Variants in SGCZ observed in about 807,000 individuals in gnomAD.
The protein encoded by SGCZ is zeta-sarcoglycan.
Under a neutral mutation model 41.3 loss-of-function variants are expected in SGCZ, and 40 were observed. That is an observed-to-expected ratio of 0.97 (90% CI 0.75 to 1.26). The LOEUF (loss-of-function observed/expected upper bound fraction) is 1.26, where lower values mean the gene tolerates loss of function less well. Ranked by LOEUF, SGCZ falls within the 50% of genes most tolerant of loss-of-function variation. SGCZ has a pLI of 0.00. For missense variants in SGCZ, 552 were observed against 369.8 expected (o/e 1.49, Z -4.04); for synonymous variants, 206 against 137.5 (o/e 1.50, Z -3.49).
intron 1 of SGCZ, among the ~76,000 whole-genome samples, chr8:15,167,285 T>C (rs1157708085): frequency 6.6e-6 from 1 of 152,246 alleles, no homozygotes; most frequent in East Asian, 1.9e-4. Flanking sequence ...TATGCTTCCC[T>C]TTAAGGTGTC....
At chr8:15,189,878 C>T (rs1800475937) in intron 1 of SGCZ, among the ~76,000 whole-genome samples, 1 of 152,146 alleles carries the variant, frequency 6.6e-6, no homozygotes, top group African/African-American at 2.4e-5. Flanking sequence ...AGTAAGACTT[C>T]CTGCCATATT....
chr8:14,675,838 G>C (rs1393751070), intron 1 of SGCZ, among the ~76,000 whole-genome samples: 3 of 152,166 alleles, frequency 2.0e-5, no homozygotes, highest in Non-Finnish European at 2.9e-5. Flanking sequence ...TTTCCAAACT[G>C]CTGTGCAGAT....
chr8:14,451,320 T>C (rs1246925970), intron 2 of SGCZ, among the ~76,000 whole-genome samples: 1 of 152,190 alleles, frequency 6.6e-6, no homozygotes, highest in African/African-American at 2.4e-5. Flanking sequence ...GATCTTAGAA[T>C]AGAAAAGATG....
intron 1 of SGCZ, among the ~76,000 whole-genome samples, chr8:14,825,455 T>C (rs868649996): frequency 6.6e-6 from 1 of 152,218 alleles, no homozygotes; most frequent in African/African-American, 2.4e-5. Context: ...TAAAAGTAAT[T>C]TGTGCATTGT....
chr8:14,787,913 G>A (rs966583908), intron 1 of SGCZ, among the ~76,000 whole-genome samples: 1 of 152,042 alleles, frequency 6.6e-6, no homozygotes, highest in African/African-American at 2.4e-5. Flanking sequence ...CAGTATCAAA[G>A]ATAACTATGA....
intron 3 of SGCZ, among the ~76,000 whole-genome samples, chr8:14,270,191 T>A (rs1185267998): frequency 6.6e-6 from 1 of 151,848 alleles, no homozygotes; most frequent in Non-Finnish European, 1.5e-5. Flanking sequence ...AATTAGCTGG[T>A]TGTGGTGACC....
chr8:14,968,516 C>A (rs567992177), intron 1 of SGCZ, among the ~76,000 whole-genome samples: 2 of 152,086 alleles, frequency 1.3e-5, no homozygotes, highest in African/African-American at 4.8e-5. Context: ...TAGCATACTC[C>A]ATTTTCTTAA....
intron 1 of SGCZ, among the ~76,000 whole-genome samples, chr8:15,196,413 G>A (rs1205213966): frequency 2.0e-5 from 3 of 152,154 alleles, no homozygotes; most frequent in Non-Finnish European, 2.9e-5. Context: ...AGTCCAGTAA[G>A]CTTAGGAATC....
At chr8:14,459,591 T>C (rs557631769) in intron 2 of SGCZ, among the ~76,000 whole-genome samples, 1 of 152,238 alleles carries the variant, frequency 6.6e-6, no homozygotes, top group South Asian at 2.1e-4. Context: ...TCTGAAAGTA[T>C]CTATCTCAAG....
intron 3 of SGCZ, among the ~76,000 whole-genome samples, chr8:14,247,057 T>TTC (rs1799122473): frequency 6.6e-6 from 1 of 152,138 alleles, no homozygotes; most frequent in Non-Finnish European, 1.5e-5. Context: ...TTACCTGACT[T>TTC]CCTTGAATTC....
chr8:15,105,289 C>G (rs1020680014), intron 1 of SGCZ, among the ~76,000 whole-genome samples: 1 of 152,042 alleles, frequency 6.6e-6, no homozygotes, highest in African/African-American at 2.4e-5. Context: ...ATGATTATTC[C>G]CCCTACAGAT....
chr8:14,139,666 A>G (rs1292737437), intron 5 of SGCZ, among the ~76,000 whole-genome samples: 1 of 152,210 alleles, frequency 6.6e-6, no homozygotes, highest in African/African-American at 2.4e-5. Flanking sequence ...GAATAGACTA[A>G]AAACAGCCTC....
intron 1 of SGCZ, among the ~76,000 whole-genome samples, chr8:15,180,582 T>TA (rs112582741): frequency 0.017 from 2,474 of 146,306 alleles, 46 homozygotes; most frequent in East Asian, 0.085. Context: ...AAGAACAAGT[T>TA]AAAAAAAAAA....
intron 1 of SGCZ, among the ~76,000 whole-genome samples, chr8:14,771,565 C>T (rs1800239484): frequency 6.6e-6 from 1 of 151,988 alleles, no homozygotes; most frequent in South Asian, 2.1e-4. Flanking sequence ...AGAACATAAA[C>T]AATTGATTTG....
chr8:14,932,880 A>G lies in SGCZ; in HGVS notation c.39+304705T>C, dbSNP rs1044285731. Among the ~76,000 whole-genome samples the G allele has an allele frequency of 2.7e-4, 41 of 152,088 alleles. 1 individual carries two copies. The highest frequency in any genetic ancestry group is 5.9e-4 in the Non-Finnish European group (40 of 68,038). On this transcript the variant is annotated intron_variant, in intron 1 of 7. Transcript: ENST00000382080. ...AGTGTGATGTGAAAACTGTGCATCT[A>G]GTGGTAAGTAAGCACTAAATCTGGC...
chr8:14,166,247 T>C (rs1374186831), intron 4 of SGCZ, among the ~76,000 whole-genome samples: 1 of 152,178 alleles, frequency 6.6e-6, no homozygotes, highest in Non-Finnish European at 1.5e-5. Flanking sequence ...TACCTTTCCT[T>C]ATATAATTTA....
At chr8:14,269,312 C>T (rs543172176) in intron 3 of SGCZ, among the ~76,000 whole-genome samples, 1 of 152,012 alleles carries the variant, frequency 6.6e-6, no homozygotes, top group African/African-American at 2.4e-5. Context: ...TAAGAAATGT[C>T]CACTTTTTAT....
intron 1 of SGCZ, among the ~76,000 whole-genome samples, chr8:14,720,800 T>G (rs1221023790): frequency 6.6e-6 from 1 of 152,110 alleles, no homozygotes; most frequent in Non-Finnish European, 1.5e-5. Context: ...TGCCTACTGC[T>G]TTATAGCCAA....
chr8:14,102,480 A>T lies in SGCZ; in HGVS notation c.640T>A (p.Ser214Thr), dbSNP rs74802077. The part of the protein sequence containing the change: ...QDLRLESPTR[S>T]LIMEAPRGVQ... Reference sequence around the variant, plus strand: ...CCACGGGGAGCTTCCATGATCAAGGATCTGGTGGGTGATTCAAGCCTAAGG... The same window carrying T: ...CCACGGGGAGCTTCCATGATCAAGGTTCTGGTGGGTGATTCAAGCCTAAGG... Residue 214 changes from serine to threonine, a missense_variant, in exon 7 of 8, where the codon TCC becomes ACC. By Grantham distance (58) the Ser-to-Thr change is moderately conservative. Transcript: ENST00000382080. 1.7e-3 allele frequency: 2,481 copies of T among 1,472,430 alleles called. 29 individuals carry two copies. In the African/African-American group the frequency reaches 0.03, roughly 18 times the overall value. 91.2% of individuals were successfully genotyped at this position (1,472,430 alleles called of 1,614,324 possible).
Sources: gnomAD v4.1 joint callset for allele counts (sites outside exome capture counted in the v4.1 genomes callset) on GRCh38, gnomAD v4.1.1 for gene constraint, MANE v1.5 for transcripts, NCBI Gene and HGNC (gene_info 2026-07-23, HGNC 2026-07-21) for gene names.